Variants in PRRC1 observed in about 807,000 individuals in gnomAD.
The protein encoded by PRRC1 is protein PRRC1.
PRRC1 carries 39 observed loss-of-function variants against 40.7 expected under a neutral mutation model. That is an observed-to-expected ratio of 0.96 (90% CI 0.74 to 1.25). The LOEUF (loss-of-function observed/expected upper bound fraction) is 1.25, where lower values mean the gene tolerates loss of function less well. Among genes scored for constraint, PRRC1 ranks in the 50% most tolerant of loss-of-function variants. The probability of loss-of-function intolerance (pLI) is 0.00; values close to 1 mark genes in which losing one functional copy is unlikely to be tolerated. For missense variants in PRRC1, 573 were observed against 548.3 expected (o/e 1.05, Z -0.45); for synonymous variants, 175 against 193.3 (o/e 0.91, Z 0.79).
chr5:127,533,509 T>C (rs1767825552), intron 5 of PRRC1, 114 bp from the exon 6 acceptor site: 1 of 919,138 alleles, frequency 1.1e-6, no homozygotes, highest in South Asian at 1.8e-5. Flanking sequence ...TCTTGCATGG[T>C]TTTATGAAAC....
chr5:127,518,225 T>G (rs1767367256), intron 1 of PRRC1, among the ~76,000 whole-genome samples: 1 of 152,134 alleles, frequency 6.6e-6, no homozygotes, highest in African/African-American at 2.4e-5. Context: ...TGAAACAGGA[T>G]TTCGGCCGCT....
intron 4 of PRRC1, among the ~76,000 whole-genome samples, chr5:127,527,721 ACATTC>A (rs1767658450): frequency 6.8e-6 from 1 of 147,062 alleles, no homozygotes; most frequent in African/African-American, 2.5e-5. Flanking sequence ...TCATGATACT[ACATTC>A]CAGTCTAAGT....
intron 4 of PRRC1, among the ~76,000 whole-genome samples, chr5:127,528,111 A>G (rs1767671637): frequency 6.6e-6 from 1 of 152,102 alleles, no homozygotes; most frequent in South Asian, 2.1e-4. Context: ...TTCTTTGCCT[A>G]GTTTTAAATT....
At chr5:127,527,603 T>TA (rs1561680586) in intron 4 of PRRC1, among the ~76,000 whole-genome samples, 1 of 151,394 alleles carries the variant, frequency 6.6e-6, no homozygotes, top group African/African-American at 2.4e-5. Flanking sequence ...ACCAAAAACT[T>TA]AAAAAAATTA....
chr5:127,546,147 C>T (rs1241568451), intron 7 of PRRC1, among the ~76,000 whole-genome samples: 5 of 152,020 alleles, frequency 3.3e-5, no homozygotes, highest in African/African-American at 9.7e-5. Flanking sequence ...CTCTCTGTTC[C>T]TTAGTTTTGA....
chr5:127,545,709 G>T (rs1768197925), intron 7 of PRRC1, among the ~76,000 whole-genome samples: 1 of 151,608 alleles, frequency 6.6e-6, no homozygotes, highest in South Asian at 2.1e-4. Flanking sequence ...CAGCACACCA[G>T]TATGGCACAT....
At chr5:127,523,371 G>A (rs946159790) in intron 1 of PRRC1, 89 bp from the exon 2 acceptor site, 4 of 575,236 alleles carry the variant, frequency 7.0e-6, no homozygotes, top group Non-Finnish European at 5.9e-6. Flanking sequence ...ATCTCTTGAT[G>A]ATTTTTTTTT....
Position 127,551,884 on chromosome 5 carries a change from T to C in PRRC1, c.1306T>C (p.Tyr436His). The C allele has an allele frequency of 6.2e-7, 1 of 1,614,096 alleles. No homozygotes were observed. The highest frequency in any genetic ancestry group is 8.5e-7 in the Non-Finnish European group (1 of 1,179,990). Residue 436 changes from tyrosine to histidine, a missense_variant, in exon 9 of 9, where the codon TAT (tyrosine) becomes CAT (histidine). Physicochemically the swap from Tyr to His is moderately conservative, Grantham distance 83 (BLOSUM62 2). Coordinates refer to ENST00000296666, the MANE Select transcript of PRRC1 (RefSeq NM_130809.5). The part of the protein sequence containing the change: ...YSAARAIAGM[Y>H]KQRLPPRTV ...TGCAGCCAGAGCGATAGCGGGCATG[T>C]ATAAACAGCGCCTGCCACCCAGGAC...
At chr5:127,550,207 T>C (rs1768339961) in intron 8 of PRRC1, 1 of 152,186 alleles carries the variant, frequency 6.6e-6, no homozygotes, top group Non-Finnish European at 1.5e-5. Flanking sequence ...CTTTGCTTTT[T>C]ATTCTGTTTG....
Position 127,539,076 on chromosome 5 carries a change from G to A in PRRC1, c.958G>A (p.Gly320Arg), listed in dbSNP as rs1435537468. The A allele has an allele frequency of 1.2e-6, 2 of 1,612,828 alleles. No homozygotes were observed. Among genetic ancestry groups the A allele is most frequent in the Non-Finnish European group, 1.7e-6 (2 of 1,178,976 alleles). ...ACGGATAGATAGCTTGCGTCGAACT[G>A]GGGTGATCCATGAAAAACAGACAGC... The part of the protein sequence containing the change: ...QERIDSLRRT[G>R]VIHEKQTAVS... The change falls in exon 7 of 9, where the codon GGG becomes AGG. Residue 320 changes from glycine to arginine, a missense_variant. Physicochemically the swap from Gly to Arg is moderately radical, Grantham distance 125 (BLOSUM62 -2). Coordinates refer to ENST00000296666, the MANE Select transcript of PRRC1 (RefSeq NM_130809.5).
At position 127,551,910 on chromosome 5, in the gene PRRC1, A is replaced by G. The variant is rs1768397815; in HGVS notation, c.1332A>G (p.Thr444=). The change falls in exon 9 of 9, where the codon ACA becomes ACG. Residue 444 remains threonine (T), a synonymous_variant. Coordinates refer to ENST00000296666, the MANE Select transcript of PRRC1 (RefSeq NM_130809.5). The part of the protein sequence containing the change: ...GMYKQRLPPR[T]V ...ATAAACAGCGCCTGCCACCCAGGAC[A>G]GTGTGAGAGGAGACCTACCTGGGAG... 6.2e-7 allele frequency: 1 copy of G among 1,613,944 alleles called. No individual in the cohort carries two copies. The highest frequency in any genetic ancestry group is 8.5e-7 in the Non-Finnish European group (1 of 1,179,948).
chr5:127,517,971 G>T (rs1345598998), intron 1 of PRRC1, 195 bp downstream of exon 1: 2 of 152,758 alleles, frequency 1.3e-5, no homozygotes, highest in Non-Finnish European at 2.9e-5. Context: ...GGCGTGCGGG[G>T]TGCAGCAGGC....
At chr5:127,524,331 C>T (rs1055135053) in intron 2 of PRRC1, among the ~76,000 whole-genome samples, 200 bp from the exon 3 acceptor site, 2 of 152,126 alleles carry the variant, frequency 1.3e-5, no homozygotes, top group African/African-American at 2.4e-5. Flanking sequence ...CATACAGCTG[C>T]TTCTTTTACT....
At chr5:127,533,016 ATTTGAAAATATTTT>A (rs1176087571) in intron 5 of PRRC1, among the ~76,000 whole-genome samples, 2 of 152,150 alleles carry the variant, frequency 1.3e-5, no homozygotes, top group Non-Finnish European at 2.9e-5. Flanking sequence ...AATTAAAAAT[ATTTGAAAATATTTT>A]TATTTCGTAT....
chr5:127,532,144 C>G (rs1767791234), intron 5 of PRRC1, among the ~76,000 whole-genome samples: 2 of 149,428 alleles, frequency 1.3e-5, no homozygotes, highest in South Asian at 4.2e-4. Context: ...GAGTCTCACT[C>G]TACCGCCAGG....
intron 7 of PRRC1, among the ~76,000 whole-genome samples, chr5:127,545,512 C>T (rs1290010781): frequency 2.0e-5 from 3 of 151,634 alleles, no homozygotes; most frequent in Non-Finnish European, 4.4e-5. Context: ...TGGAAATCAT[C>T]ATTCTCAGTA....
Position 127,553,541 on chromosome 5 carries a change from T to G in PRRC1, c.*1625T>G. The G allele has an allele frequency of 5.8e-6, 7 of 1,201,690 alleles. No individual in the cohort carries two copies. Among genetic ancestry groups the G allele is most frequent in the Non-Finnish European group, 7.3e-6 (7 of 960,754 alleles). The allele number at this position is 1,201,690 out of a possible 1,614,324, so 74.4% of individuals were successfully genotyped here. ...CTACCATTTGCGTCTACACTTTATT[T>G]TAAAAGCTATCCTTTTCTAGTAGTA... On this transcript the variant is annotated 3_prime_UTR_variant, in exon 9 of 9. Coordinates refer to ENST00000296666, the MANE Select transcript of PRRC1 (RefSeq NM_130809.5).
intron 1 of PRRC1, among the ~76,000 whole-genome samples, chr5:127,520,864 GT>G (rs1767441194): frequency 6.6e-6 from 1 of 152,172 alleles, no homozygotes; most frequent in African/African-American, 2.4e-5. Flanking sequence ...CAGTTTCATG[GT>G]TTTGATCATT....
rs1464096564 is a variant in PRRC1 at position 127,526,900 on chromosome 5, T to C, written c.654+122T>C. 5 of 824,922 alleles carry C rather than the reference T, an allele frequency of 6.1e-6. No homozygotes were observed. In the African/African-American group the frequency reaches 8.7e-5, roughly 14 times the overall value. The allele number at this position is 824,922 out of a possible 1,614,324, so 51.1% of individuals were successfully genotyped here. ...AAATAAAATTCTTTTTTATTAGCAG[T>C]TTTCTGTAGCTGCTCTCAGTCTCTT... On this transcript the variant is annotated intron_variant, in intron 4 of 8. Coordinates refer to ENST00000296666, the MANE Select transcript of PRRC1 (RefSeq NM_130809.5).
Sources: allele counts gnomAD v4.1 joint callset (sites outside exome capture counted in the v4.1 genomes callset), GRCh38; gene constraint gnomAD v4.1.1; transcripts MANE v1.5; gene names NCBI Gene and HGNC (gene_info 2026-07-23, HGNC 2026-07-21).